The following CELF2 variants were observed in gnomAD, a reference collection of about 807,000 sequenced individuals.
CELF2 encodes CUG triplet repeat RNA-binding protein 2.
In CELF2, 8 loss-of-function variants were observed where a neutral mutation model predicts 62.6. The ratio of observed to expected loss-of-function variants is 0.13; its 90% CI spans 0.07 to 0.23. The LOEUF (loss-of-function observed/expected upper bound fraction) is 0.23. CELF2 is among the 10% of genes least tolerant of loss of function. The pLI is 1.00. For synonymous variants in CELF2, 258 were observed against 250.0 expected (o/e 1.03, Z -0.30); for missense variants, 333 against 671.0 (o/e 0.50, Z 5.56).
the CELF2 span, among the ~76,000 whole-genome samples, chr10:10,479,866 C>T: frequency 6.6e-6 from 1 of 152,182 alleles, no homozygotes; most frequent in Non-Finnish European, 1.5e-5. Flanking sequence ...TACGATTAGT[C>T]ACAATTTAAC....
chr10:10,792,078 A>C, the CELF2 span, among the ~76,000 whole-genome samples: 2 of 135,956 alleles, frequency 1.5e-5, no homozygotes, highest in Non-Finnish European at 3.1e-5. Flanking sequence ...GGAAGGAGGA[A>C]AGGGAGGGAG....
At chr10:11,049,362 G>A (rs1291882) in intron 1 of CELF2, among the ~76,000 whole-genome samples, 103,617 of 151,452 alleles carry the variant, frequency 0.68, 37,056 homozygotes, top group African/African-American at 0.9. Context: ...TCCTATAGTC[G>A]TTTTACTCGT....
chr10:10,952,233 A>G (rs939606379), intron 2 of CELF2: 17 of 152,348 alleles, frequency 1.1e-4, no homozygotes, highest in Admixed American at 4.6e-4. Context: ...CCACGTCACA[A>G]CAAACTCATT....
At chr10:10,578,236 A>T in the CELF2 span, among the ~76,000 whole-genome samples, 1 of 151,928 alleles carries the variant, frequency 6.6e-6, no homozygotes, top group Non-Finnish European at 1.5e-5. Context: ...AATTTGTTTG[A>T]GTTCATTGTA....
chr10:10,938,722 G>A lies in CELF2; in HGVS notation c.89+18723G>A, dbSNP rs891091361. Among the ~76,000 whole-genome samples, 4 of 152,122 alleles carry A rather than the reference G, an allele frequency of 2.6e-5. No homozygotes were observed. The highest frequency in any genetic ancestry group is 5.9e-5 in the Non-Finnish European group (4 of 68,010). On this transcript the variant is annotated intron_variant, in intron 2 of 13. Transcript: ENST00000636488. The surrounding 1 kb of genome is among the most constrained non-coding windows in gnomAD (Gnocchi z 4.2). ...TGAGTCTAAGGACATGAGGGAGGGG[G>A]ATGTGAGACAGGAATGGGGGAGGTC...
rs903165369 is a variant in CELF2, at chr10:11,211,695, A to G, written c.272-5730A>G. 6.6e-6 allele frequency among the ~76,000 whole-genome samples: 1 copy of G among 152,126 alleles called. No homozygotes were observed. Among genetic ancestry groups the G allele is most frequent in the Non-Finnish European group, 1.5e-5 (1 of 68,026 alleles). ...TCTTTGAGGATAAATCTACTTGATC[A>G]TTTAAAATTAAAGTCTTTCAGTACA... On this transcript the variant is annotated intron_variant, in intron 2 of 12. Coordinates refer to ENST00000633077, the MANE Select transcript of CELF2 (RefSeq NM_001326342.2). The surrounding 1 kb of genome is among the most constrained non-coding windows in gnomAD (Gnocchi z 4.8).
the CELF2 span, among the ~76,000 whole-genome samples, chr10:10,463,068 C>T: frequency 5.0e-3 from 758 of 152,126 alleles, 6 homozygotes; most frequent in African/African-American, 0.017. Context: ...TCTTAGACTT[C>T]CTTAGTTCAG....
At chr10:10,933,478 C>T (rs1485294756) in intron 2 of CELF2, among the ~76,000 whole-genome samples, 1 of 152,058 alleles carries the variant, frequency 6.6e-6, no homozygotes, top group African/African-American at 2.4e-5. Flanking sequence ...AAATATATAA[C>T]ATTTTATAAT....
At chr10:10,654,932 CCT>C in the CELF2 span, among the ~76,000 whole-genome samples, 3 of 144,860 alleles carry the variant, frequency 2.1e-5, no homozygotes, top group Admixed American at 6.9e-5. Context: ...TCAAATTGTC[CCT>C]GTTTGCAGAC....
intron 1 of CELF2, among the ~76,000 whole-genome samples, chr10:11,134,326 T>TTGC (rs1430177607): frequency 6.6e-6 from 1 of 152,212 alleles, no homozygotes; most frequent in African/African-American, 2.4e-5. Flanking sequence ...GATTCTGTAG[T>TTGC]TGCGCATCTT....
chr10:10,701,821 C>T, the CELF2 span, among the ~76,000 whole-genome samples: 1 of 152,312 alleles, frequency 6.6e-6, no homozygotes, highest in Middle Eastern at 3.4e-3. Flanking sequence ...GAAAGTCCCT[C>T]GTGCTGCAGT....
the CELF2 span, among the ~76,000 whole-genome samples, chr10:10,511,504 CT>C: frequency 6.6e-6 from 1 of 151,862 alleles, no homozygotes; most frequent in Non-Finnish European, 1.5e-5. Flanking sequence ...ATATTGACTG[CT>C]GTTTGGTGAA....
Position 11,237,356 on chromosome 10 carries a change from G to A in CELF2, c.355-11797G>A, listed in dbSNP as rs1341401237. The stretch of plus-strand genomic sequence containing the variant: ...CCCCATAAGCCGTGGTCTCTGTCCA[G>A]CTTCTCAAGTTCTCTGTGGGGTACC... On this transcript the variant is annotated intron_variant, in intron 3 of 12. Coordinates refer to ENST00000633077, the MANE Select transcript of CELF2 (RefSeq NM_001326342.2). This position sits in a 1 kb window ranked among gnomAD's most constrained non-coding sequence, Gnocchi z 4.0. 6.6e-6 allele frequency among the ~76,000 whole-genome samples: 1 copy of A among 152,234 alleles called. No individual in the cohort carries two copies. The highest frequency in any genetic ancestry group is 1.5e-5 in the Non-Finnish European group (1 of 68,048).
intron 1 of CELF2, among the ~76,000 whole-genome samples, chr10:11,141,022 A>C (rs2061268305): frequency 1.3e-5 from 2 of 152,244 alleles, no homozygotes; most frequent in African/African-American, 4.8e-5. Flanking sequence ...TCTTAAAAAA[A>C]TAAAGCATAG....
the CELF2 span, among the ~76,000 whole-genome samples, chr10:10,689,696 C>A: frequency 1.3e-5 from 2 of 152,230 alleles, no homozygotes; most frequent in Admixed American, 6.5e-5. Flanking sequence ...CACCGAAGAA[C>A]CTGGATTAGC....
chr10:10,561,574 A>G, the CELF2 span, among the ~76,000 whole-genome samples: 1 of 152,216 alleles, frequency 6.6e-6, no homozygotes, highest in Non-Finnish European at 1.5e-5. Context: ...CTAAGGAGAA[A>G]AATAAGGAAG....
At chr10:10,574,723 T>C in the CELF2 span, among the ~76,000 whole-genome samples, 1 of 152,100 alleles carries the variant, frequency 6.6e-6, no homozygotes, top group African/African-American at 2.4e-5. Context: ...TTGTTTTTGT[T>C]TTTGAGATGG....
At chr10:11,261,028 A>G (rs2080377308) in intron 5 of CELF2, among the ~76,000 whole-genome samples, 1 of 152,232 alleles carries the variant, frequency 6.6e-6, no homozygotes, top group South Asian at 2.1e-4. Context: ...ATAAAAATTA[A>G]GTGAAACAAA....
chr10:10,590,570 C>G, the CELF2 span, among the ~76,000 whole-genome samples: 1 of 152,200 alleles, frequency 6.6e-6, no homozygotes, highest in Non-Finnish European at 1.5e-5. Context: ...CTGCCCTTTA[C>G]TACCACCAGC....
Sources: allele counts gnomAD v4.1 joint callset (sites outside exome capture counted in the v4.1 genomes callset), GRCh38; gene constraint gnomAD v4.1.1; non-coding constraint Gnocchi (gnomAD v3.1); transcripts MANE v1.5; gene names NCBI Gene and HGNC (gene_info 2026-07-23, HGNC 2026-07-21).